Variants in DHX32 observed in about 807,000 individuals in gnomAD.
The protein encoded by DHX32 is putative pre-mRNA-splicing factor ATP-dependent RNA helicase DHX32.
DHX32 carries 51 observed loss-of-function variants against 70.0 expected under a neutral mutation model. That is an observed-to-expected ratio of 0.73 (90% CI 0.58 to 0.92). DHX32 has a LOEUF of 0.92. Among genes scored for constraint, DHX32 ranks in the 40% least tolerant of loss-of-function variants. DHX32 has a pLI of 0.00. For missense variants in DHX32, 762 were observed against 891.8 expected, an observed-to-expected ratio of 0.85 and a Z score of 1.85; for synonymous variants, 310 against 315.3, an observed-to-expected ratio of 0.98 and a Z score of 0.18.
intron 2 of DHX32, among the ~76,000 whole-genome samples, chr10:125,862,979 TA>T (rs576656473): frequency 2.6e-5 from 4 of 151,926 alleles, no homozygotes; most frequent in Middle Eastern, 3.4e-3. Context: ...AATAAGTACG[TA>T]AAAAAAATAG....
chr10:125,841,120 A>C lies in DHX32; in HGVS notation c.1544-124T>G, dbSNP rs17153661. On this transcript the variant is annotated intron_variant, in intron 7 of 10. Coordinates refer to ENST00000284690, the MANE Select transcript of DHX32 (RefSeq NM_018180.3). ...TCCTGTCTTGGTACTCTGAATAAAT[A>C]TGTTATTCTTGTTTACTTAGAAATC... 5,672 of 1,361,890 alleles carry C rather than the reference A, an allele frequency of 4.2e-3. 15 individuals are homozygous for C. Among genetic ancestry groups the C allele is most frequent in the Middle Eastern group, 7.7e-3 (42 of 5,434 alleles). 84.4% of individuals were successfully genotyped at this position (1,361,890 alleles called of 1,614,324 possible).
upstream of DHX32, among the ~76,000 whole-genome samples, chr10:125,884,733 G>A (rs562005449): frequency 1.5e-4 from 23 of 152,074 alleles, no homozygotes; most frequent in African/African-American, 4.8e-4. Context: ...TGAAGCAAAA[G>A]CATTAATTTG....
intron 1 of DHX32, among the ~76,000 whole-genome samples, chr10:125,869,890 AGAGAAAG>A (rs1944246234): frequency 1.3e-5 from 2 of 152,186 alleles, no homozygotes; most frequent in African/African-American, 4.8e-5. Flanking sequence ...AAAAGAAGAG[AGAGAAAG>A]GCTTGGGCTT....
Position 125,878,754 on chromosome 10 carries a change from G to C in DHX32, c.282+1789C>G, listed in dbSNP as rs1201561304. Among the ~76,000 whole-genome samples, 6 of 151,026 alleles carry C rather than the reference G, an allele frequency of 4.0e-5. No homozygotes were observed. In the East Asian group the frequency reaches 7.8e-4, roughly 20 times the overall value. ...GATGGAGTCTTACTCTGTCACCCAGGCTGGAGTGCAGTGACACAATCTCAG... is the reference window on the plus strand; with the variant it reads ...GATGGAGTCTTACTCTGTCACCCAGCCTGGAGTGCAGTGACACAATCTCAG... On this transcript the variant is annotated intron_variant, in intron 1 of 10. Coordinates refer to ENST00000284690, the MANE Select transcript of DHX32 (RefSeq NM_018180.3).
upstream of DHX32, among the ~76,000 whole-genome samples, chr10:125,884,574 T>C (rs766986894): frequency 6.6e-6 from 1 of 152,172 alleles, no homozygotes; most frequent in Non-Finnish European, 1.5e-5. Context: ...ATAATACATA[T>C]CTAATTAACA....
chr10:125,881,706 G>A (rs377512945), upstream of DHX32, among the ~76,000 whole-genome samples: 4 of 152,092 alleles, frequency 2.6e-5, no homozygotes, highest in Admixed American at 6.6e-5. Context: ...ATGCAGTGGC[G>A]TGATCATGGC....
At position 125,880,655 on chromosome 10, in the gene DHX32, T is replaced by G; in HGVS notation, c.170A>C (p.Lys57Thr). Residue 57 changes from lysine (K) to threonine (T), a missense_variant, in exon 1 of 11, where the codon AAA (lysine) becomes ACA (threonine). Lys to Thr is a moderately conservative substitution (Grantham distance 78). This residue lies in a region of DHX32 where 394 missense variants were observed against 473.1 expected (regional missense o/e 0.83). Transcript: ENST00000284690. ...PYSSRYYKLLKEREDLPIWKE... is the reference protein window; with the variant it reads ...PYSSRYYKLLTEREDLPIWKE... ...CCATATAGGAAGATCTTCTCTTTCT[T>G]TCAGAAGTTTATAATAACGTGATGA... The G allele has an allele frequency of 6.2e-7, 1 of 1,614,190 alleles. No individual in the cohort carries two copies. Among genetic ancestry groups the G allele is most frequent in the Non-Finnish European group, 8.5e-7 (1 of 1,180,030 alleles).
At chr10:125,864,135 T>TGAAA (rs1331609715) in intron 2 of DHX32, among the ~76,000 whole-genome samples, 1 of 152,216 alleles carries the variant, frequency 6.6e-6, no homozygotes, top group Non-Finnish European at 1.5e-5. Context: ...CATAGGGGTC[T>TGAAA]TTTCAATAGC....
At chr10:125,868,364 G>A (rs1345894465) in intron 1 of DHX32, among the ~76,000 whole-genome samples, 6 of 152,086 alleles carry the variant, frequency 3.9e-5, no homozygotes, top group African/African-American at 9.7e-5. Flanking sequence ...GAATTTAAAC[G>A]TTGTAAAATT....
intron 8 of DHX32, among the ~76,000 whole-genome samples, chr10:125,840,283 TA>T (rs1854834998): frequency 6.6e-6 from 1 of 152,206 alleles, no homozygotes; most frequent in Non-Finnish European, 1.5e-5. Flanking sequence ...CCTTCAGGCA[TA>T]CAAAGGACTT....
At chr10:125,839,616 C>T (rs1242559680) in intron 8 of DHX32, among the ~76,000 whole-genome samples, 1 of 152,240 alleles carries the variant, frequency 6.6e-6, no homozygotes, top group African/African-American at 2.4e-5. Context: ...ATAAATTCCT[C>T]TGATCTATGA....
intron 1 of DHX32, among the ~76,000 whole-genome samples, chr10:125,894,838 G>A (rs77613174): frequency 5.3e-5 from 8 of 152,132 alleles, no homozygotes; most frequent in Non-Finnish European, 1.2e-4. Context: ...TGAAAAGACC[G>A]CTTTGTGATT....
chr10:125,859,748 A>T lies in DHX32; in HGVS notation c.704T>A (p.Ile235Lys). 1 of 1,614,138 alleles carries T rather than the reference A, an allele frequency of 6.2e-7. No individual in the cohort carries two copies. Among genetic ancestry groups the T allele is most frequent in the African/African-American group, 1.3e-5 (1 of 75,050 alleles). The change falls in exon 3 of 11, where the codon ATA (isoleucine) becomes AAA (lysine). Residue 235 changes from isoleucine (I) to lysine (K), a missense_variant. Physicochemically the swap from Ile to Lys is moderately radical, Grantham distance 102. Around this residue, in one of 3 missense-constraint regions of DHX32, gnomAD observed 394 missense variants for 473.1 expected, o/e 0.83. Transcript: ENST00000284690. ...CACAGGGTGTTTATTTTTCACTTCT[A>T]TGACAGGCACGTTTCCATAATAAGA... ...LNSYYGNVPVIEVKNKHPVEV... is the reference protein window; with the variant it reads ...LNSYYGNVPVKEVKNKHPVEV...
chr10:125,847,979 G>A (rs1037912942), intron 6 of DHX32, among the ~76,000 whole-genome samples: 1 of 152,204 alleles, frequency 6.6e-6, no homozygotes, highest in African/African-American at 2.4e-5. Context: ...AACAGGCCAC[G>A]AACTGGTACC....
intron 8 of DHX32, among the ~76,000 whole-genome samples, chr10:125,839,490 C>A (rs1854808733): frequency 6.6e-6 from 1 of 152,222 alleles, no homozygotes; most frequent in South Asian, 2.1e-4. Flanking sequence ...ATTTCACTAA[C>A]CCGTGGCTCA....
intron 1 of DHX32, chr10:125,890,700 G>A (rs1217838060): frequency 1.3e-5 from 2 of 152,248 alleles, no homozygotes; most frequent in Non-Finnish European, 2.9e-5. Flanking sequence ...ATTGAATATT[G>A]TATTGCATAT....
chr10:125,881,073 T>C lies in DHX32; in HGVS notation c.-249A>G, dbSNP rs1461509292. On this transcript the variant is annotated 5_prime_UTR_variant, in exon 1 of 11. Transcript: ENST00000284690. ...GTAAATGATTGTCAATAAACCACAC[T>C]AAGAAACAAACAAACAAAAAGAGTA... 3 of 381,830 alleles carry C rather than the reference T, an allele frequency of 7.9e-6. No individual in the cohort carries two copies. Among genetic ancestry groups the C allele is most frequent in the Non-Finnish European group, 1.4e-5 (3 of 216,036 alleles). The allele number at this position is 381,830 out of a possible 1,614,324, so 23.7% of individuals were successfully genotyped here.
chr10:125,841,635 A>G (rs1042604442), intron 7 of DHX32, 108 bp downstream of exon 7: 1 of 1,489,658 alleles, frequency 6.7e-7, no homozygotes, highest in African/African-American at 1.4e-5. Context: ...TGAGTTGATC[A>G]CTATCTCTGC....
chr10:125,891,522 A>G (rs1944371101), intron 1 of DHX32, among the ~76,000 whole-genome samples: 2 of 152,284 alleles, frequency 1.3e-5, no homozygotes, highest in African/African-American at 4.8e-5. Flanking sequence ...GGAGGAGCCC[A>G]GGAGTTCCAG....
Sources: gnomAD v4.1 joint callset for allele counts (sites outside exome capture counted in the v4.1 genomes callset) on GRCh38, gnomAD v4.1.1 for gene constraint, gnomAD v4.1.1 regional missense constraint, MANE v1.5 for transcripts, NCBI Gene and HGNC (gene_info 2026-07-23, HGNC 2026-07-21) for gene names.